ITGA9: variants seen among roughly 807,000 people sequenced by gnomAD.
ITGA9 encodes integrin subunit alpha 9.
A neutral mutation model predicts 127.8 loss-of-function variants in ITGA9; 56 were observed. That is an observed-to-expected ratio of 0.44 (90% confidence interval 0.35 to 0.55). ITGA9 has a LOEUF of 0.55. ITGA9 is among the 20% of genes least tolerant of loss of function. The pLI, the probability that ITGA9 is intolerant of heterozygous loss-of-function variation, is 0.00. For synonymous variants in ITGA9, 508 were observed against 514.5 expected (o/e 0.99, Z 0.17); for missense variants, 1,196 against 1,347.1 (o/e 0.89, Z 1.76).
chr3:37,690,477 T>G (rs1559568695), intron 18 of ITGA9, among the ~76,000 whole-genome samples: 1 of 152,180 alleles, frequency 6.6e-6, no homozygotes, highest in African/African-American at 2.4e-5. Context: ...CATGCATGCC[T>G]CATGTGACCA....
intron 18 of ITGA9, among the ~76,000 whole-genome samples, chr3:37,698,786 C>G (rs1170680980): frequency 6.6e-6 from 1 of 152,180 alleles, no homozygotes; most frequent in Non-Finnish European, 1.5e-5. Flanking sequence ...CTTTTACACC[C>G]TCACCAGCAA....
rs1249764989 is a variant in ITGA9 at position 37,822,085 on chromosome 3, C to G, written c.*3096C>G. ...GGTGGATCAGTACATCTGTGTTACC[C>G]TTCCAGAATATTATTTGAAAATTCT... On this transcript the variant is annotated 3_prime_UTR_variant, in exon 28 of 28. Transcript: ENST00000264741. The G allele has an allele frequency of 2.0e-5, 3 of 152,136 alleles. No homozygotes were observed. Among genetic ancestry groups the G allele is most frequent in the Non-Finnish European group, 2.9e-5 (2 of 68,036 alleles). 9.4% of individuals were successfully genotyped at this position (152,136 alleles called of 1,614,324 possible).
intron 15 of ITGA9, among the ~76,000 whole-genome samples, chr3:37,567,957 C>T (rs531169205): frequency 3.5e-4 from 54 of 152,228 alleles, no homozygotes; most frequent in Admixed American, 1.3e-3. Flanking sequence ...GGATGGGGGC[C>T]GTCTTCTCAC....
intron 26 of ITGA9, among the ~76,000 whole-genome samples, chr3:37,801,366 T>G (rs544731182): frequency 2.6e-5 from 4 of 152,280 alleles, no homozygotes; most frequent in Non-Finnish European, 5.9e-5. Flanking sequence ...TTGATCTGAG[T>G]GCTGGTTACA....
chr3:37,549,930 C>G (rs1699363032), intron 15 of ITGA9, among the ~76,000 whole-genome samples: 1 of 152,148 alleles, frequency 6.6e-6, no homozygotes, highest in Non-Finnish European at 1.5e-5. Flanking sequence ...TAATTAAACT[C>G]CTTTTGAAAA....
intron 26 of ITGA9, among the ~76,000 whole-genome samples, chr3:37,787,802 T>G (rs1697059359): frequency 6.6e-6 from 1 of 152,206 alleles, no homozygotes; most frequent in Non-Finnish European, 1.5e-5. Context: ...GATTTTAGAT[T>G]AGGCACCAAA....
intron 27 of ITGA9, among the ~76,000 whole-genome samples, chr3:37,809,608 G>A (rs1448668563): frequency 6.6e-6 from 1 of 151,956 alleles, no homozygotes; most frequent in African/African-American, 2.4e-5. Context: ...TGGTGGAGGG[G>A]ATTTCTTTAG....
At chr3:37,748,124 A>T in intron 22 of ITGA9, 1 of 486,302 alleles carries the variant, frequency 2.1e-6, no homozygotes, top group South Asian at 1.5e-5. Flanking sequence ...TCGAACACAA[A>T]GGGAAAGAGG....
At chr3:37,659,010 T>C (rs1327688492) in intron 17 of ITGA9, among the ~76,000 whole-genome samples, 2 of 152,210 alleles carry the variant, frequency 1.3e-5, no homozygotes, top group Non-Finnish European at 2.9e-5. Flanking sequence ...TGGCCCCCAC[T>C]CTCTGCTGGC....
chr3:37,628,132 G>A (rs1404375935), intron 15 of ITGA9, among the ~76,000 whole-genome samples: 1 of 152,110 alleles, frequency 6.6e-6, no homozygotes, highest in Non-Finnish European at 1.5e-5. Context: ...CAGCCTGCCC[G>A]CCCAGCTTCT....
intron 1 of ITGA9, among the ~76,000 whole-genome samples, chr3:37,454,460 G>A (rs1698235510): frequency 6.6e-6 from 1 of 152,230 alleles, no homozygotes; most frequent in African/African-American, 2.4e-5. Context: ...AAATGGTAGG[G>A]AGTGGGTGTG....
intron 15 of ITGA9, among the ~76,000 whole-genome samples, chr3:37,606,660 C>G (rs1559547760): frequency 1.3e-5 from 2 of 152,158 alleles, no homozygotes; most frequent in Non-Finnish European, 2.9e-5. Flanking sequence ...CTTTTGCCAT[C>G]TCAGCATTTC....
chr3:37,577,039 G>A (rs906683286), intron 15 of ITGA9, among the ~76,000 whole-genome samples: 6 of 152,234 alleles, frequency 3.9e-5, no homozygotes, highest in Non-Finnish European at 2.9e-5. Context: ...TTTCCCCTCA[G>A]GACCCATCCT....
intron 22 of ITGA9, among the ~76,000 whole-genome samples, chr3:37,744,691 G>C (rs577531852): frequency 4.6e-5 from 7 of 152,210 alleles, no homozygotes; most frequent in African/African-American, 1.7e-4. Context: ...GAGCCATGGG[G>C]TAATTTAGGC....
chr3:37,514,450 AG>A (rs1698964166), intron 9 of ITGA9, among the ~76,000 whole-genome samples: 1 of 152,222 alleles, frequency 6.6e-6, no homozygotes, highest in African/African-American at 2.4e-5. Context: ...GCAGACAGGC[AG>A]GGTGGGCTGG....
rs200078244 is a variant in ITGA9 at position 37,789,603 on chromosome 3, AC to A, written c.2889+4527del. 1.2e-3 allele frequency among the ~76,000 whole-genome samples: 133 copies of A among 108,902 alleles called. 5 individuals are homozygous for A. Among genetic ancestry groups the A allele is most frequent in the African/African-American group, 2.7e-3 (82 of 30,112 alleles). 71.4% of individuals were successfully genotyped at this position (108,902 alleles called of 152,430 possible). A position where few individuals can be genotyped will look rare whatever the true frequency, so the allele number is the denominator to read the frequency against. On this transcript the variant is annotated intron_variant, in intron 26 of 27. Coordinates refer to ENST00000264741, the MANE Select transcript of ITGA9 (RefSeq NM_002207.3). ...TGTAACCCTGTCTCTACTAAAAAAT[AC>A]CAAAAAAAAAAAAAATGAGCTGGGT... is the stretch of plus-strand genomic sequence containing the variant.
intron 15 of ITGA9, among the ~76,000 whole-genome samples, chr3:37,613,951 A>G (rs565045561): frequency 6.6e-6 from 1 of 152,348 alleles, no homozygotes; most frequent in East Asian, 1.9e-4. Flanking sequence ...TTTGCTGTGC[A>G]GAAGCTCTTT....
chr3:37,505,847 G>T (rs1011518473), intron 6 of ITGA9, among the ~76,000 whole-genome samples, 153 bp from the exon 7 acceptor site: 2 of 152,190 alleles, frequency 1.3e-5, no homozygotes, highest in East Asian at 3.8e-4. Flanking sequence ...AGCCATTTCA[G>T]CATGAGAAGG....
At chr3:37,469,099 A>T (rs1698401368) in intron 1 of ITGA9, among the ~76,000 whole-genome samples, 1 of 152,068 alleles carries the variant, frequency 6.6e-6, no homozygotes, top group Non-Finnish European at 1.5e-5. Flanking sequence ...TCTGGAGGGG[A>T]GCTTACTGCC....
Sources: allele counts gnomAD v4.1 joint callset (sites outside exome capture counted in the v4.1 genomes callset), GRCh38; gene constraint gnomAD v4.1.1; transcripts MANE v1.5; gene names NCBI Gene and HGNC (gene_info 2026-07-23, HGNC 2026-07-21).